CHRNA7: variants seen among roughly 807,000 people sequenced by gnomAD.
CHRNA7 encodes the protein neuronal acetylcholine receptor subunit alpha-7.
Under a neutral mutation model 48.0 loss-of-function variants are expected in CHRNA7, and 17 were observed. The ratio of observed to expected loss-of-function variants is 0.35; its 90% confidence interval spans 0.24 to 0.53. CHRNA7 has a LOEUF of 0.53. Ranked by LOEUF, CHRNA7 falls within the 20% of genes least tolerant of loss-of-function variation. CHRNA7 has a pLI of 0.92. For synonymous variants in CHRNA7, 75 were observed against 242.3 expected (o/e 0.31, Z 6.41); for missense variants, 155 against 577.7 (o/e 0.27, Z 7.50).
chr15:32,039,596 T>C (rs2049411344), intron 2 of CHRNA7, among the ~76,000 whole-genome samples: 2 of 152,162 alleles, frequency 1.3e-5, no homozygotes, highest in Admixed American at 6.5e-5. Flanking sequence ...TGATTTCTAG[T>C]ATAATTTCTT....
intron 2 of CHRNA7, among the ~76,000 whole-genome samples, chr15:32,065,761 T>A (rs574555644): frequency 1.5e-4 from 23 of 152,148 alleles, no homozygotes; most frequent in African/African-American, 5.6e-4. Context: ...CACAGCCCAC[T>A]GCAAACACTG....
intron 4 of CHRNA7, among the ~76,000 whole-genome samples, chr15:32,142,470 G>A (rs1221785006): frequency 6.6e-6 from 1 of 152,106 alleles, no homozygotes; most frequent in Non-Finnish European, 1.5e-5. Context: ...TTTTTCTATT[G>A]ATTGGAATAG....
At chr15:32,083,128 T>C (rs1482221523) in intron 2 of CHRNA7, among the ~76,000 whole-genome samples, 1 of 152,236 alleles carries the variant, frequency 6.6e-6, no homozygotes, top group Non-Finnish European at 1.5e-5. Context: ...AAAGTTCATA[T>C]GTTGGGATCT....
intron 2 of CHRNA7, among the ~76,000 whole-genome samples, chr15:32,081,853 C>T (rs1453529468): frequency 6.6e-6 from 1 of 152,116 alleles, no homozygotes; most frequent in Non-Finnish European, 1.5e-5. Flanking sequence ...TTTAATGTTT[C>T]CTTTCAATCT....
intron 4 of CHRNA7, among the ~76,000 whole-genome samples, chr15:32,118,065 AT>A (rs2050903463): frequency 6.6e-6 from 1 of 152,210 alleles, no homozygotes; most frequent in Admixed American, 6.5e-5. Flanking sequence ...GCCCTCATGA[AT>A]GCTTTAATCT....
At chr15:32,110,581 T>C (rs1232805968) in intron 3 of CHRNA7, among the ~76,000 whole-genome samples, 1 of 152,198 alleles carries the variant, frequency 6.6e-6, no homozygotes, top group Non-Finnish European at 1.5e-5. Flanking sequence ...CAGAGAATGG[T>C]TGGTCTGGGA....
chr15:32,070,168 C>T (rs1027713048), intron 2 of CHRNA7, among the ~76,000 whole-genome samples: 2 of 152,046 alleles, frequency 1.3e-5, no homozygotes, highest in Admixed American at 1.3e-4. Context: ...GAAACCATTC[C>T]GACAATATAA....
chr15:32,102,564 T>G (rs2050591770), intron 3 of CHRNA7: 1 of 131,394 alleles, frequency 7.6e-6, no homozygotes, highest in Non-Finnish European at 1.7e-5. Flanking sequence ...AGTTTGCTAT[T>G]GTTATTGGTA....
At chr15:32,036,170 T>C (rs568268840) in intron 2 of CHRNA7, among the ~76,000 whole-genome samples, 2 of 152,324 alleles carry the variant, frequency 1.3e-5, no homozygotes, top group Admixed American at 1.3e-4. Flanking sequence ...GTCGTATGGT[T>C]GGAATCATAC....
At chr15:32,068,205 A>T (rs927572887) in intron 2 of CHRNA7, among the ~76,000 whole-genome samples, 2 of 152,066 alleles carry the variant, frequency 1.3e-5, no homozygotes, top group Non-Finnish European at 2.9e-5. Flanking sequence ...CTAGCTACTC[A>T]GGAGGTTGAG....
chr15:32,113,300 G>A (rs2050794464), intron 4 of CHRNA7, among the ~76,000 whole-genome samples: 1 of 152,102 alleles, frequency 6.6e-6, no homozygotes, highest in Non-Finnish European at 1.5e-5. Context: ...AAGCACTGCA[G>A]TCAAATTAGA....
chr15:32,051,680 C>T (rs1179140168), intron 2 of CHRNA7, among the ~76,000 whole-genome samples: 1 of 152,210 alleles, frequency 6.6e-6, no homozygotes, highest in African/African-American at 2.4e-5. Flanking sequence ...CTGTCTGGCA[C>T]TCCCTAGTGA....
chr15:32,147,774 A>C (rs1398197887), intron 4 of CHRNA7, among the ~76,000 whole-genome samples: 1 of 152,100 alleles, frequency 6.6e-6, no homozygotes, highest in African/African-American at 2.4e-5. Flanking sequence ...GCAGACCCTC[A>C]ACATTTTAGA....
chr15:32,131,114 T>C (rs2051148770), intron 4 of CHRNA7, among the ~76,000 whole-genome samples: 1 of 152,176 alleles, frequency 6.6e-6, no homozygotes. Flanking sequence ...ATTTTCTCTT[T>C]GTGTTTAATT....
At chr15:32,110,816 C>T (rs1386337284) in intron 3 of CHRNA7, among the ~76,000 whole-genome samples, 1 of 152,174 alleles carries the variant, frequency 6.6e-6, no homozygotes, top group Non-Finnish European at 1.5e-5. Context: ...GCAGAAATTA[C>T]CATGTATTTG....
chr15:32,061,668 C>T (rs1000896047), intron 2 of CHRNA7, among the ~76,000 whole-genome samples: 31 of 152,152 alleles, frequency 2.0e-4, no homozygotes, highest in African/African-American at 7.2e-4. Flanking sequence ...ATTAGCCGGG[C>T]GTGGTGGCAG....
chr15:32,034,855 G>C (rs189238365), intron 2 of CHRNA7, among the ~76,000 whole-genome samples: 1 of 152,232 alleles, frequency 6.6e-6, no homozygotes, highest in African/African-American at 2.4e-5. Flanking sequence ...AAGATATGGT[G>C]GGTCGTTAAA....
At chr15:32,068,822 C>G (rs936742891) in intron 2 of CHRNA7, among the ~76,000 whole-genome samples, 1 of 151,876 alleles carries the variant, frequency 6.6e-6, no homozygotes, top group Admixed American at 6.6e-5. Flanking sequence ...ATTATAAATA[C>G]ATATGACGTA....
intron 2 of CHRNA7, among the ~76,000 whole-genome samples, chr15:32,075,369 G>A (rs189477991): frequency 2.0e-5 from 3 of 152,232 alleles, no homozygotes; most frequent in Admixed American, 2.0e-4. Flanking sequence ...TACAATTTCA[G>A]CATCTTTAAT....
Sources: gnomAD v4.1 joint callset for allele counts (sites outside exome capture counted in the v4.1 genomes callset) on GRCh38, gnomAD v4.1.1 for gene constraint, MANE v1.5 for transcripts, NCBI Gene and HGNC (gene_info 2026-07-23, HGNC 2026-07-21) for gene names.